Variants in CEP85L observed in about 807,000 individuals in gnomAD.
CEP85L encodes centrosomal protein 85L, also known as centrosomal protein of 85 kDa-like.
In CEP85L, 60 loss-of-function variants were observed where a neutral mutation model predicts 100.3. That is an observed-to-expected ratio of 0.60 (90% CI 0.49 to 0.74). The LOEUF (loss-of-function observed/expected upper bound fraction) is 0.74. Ranked by LOEUF, CEP85L falls within the 30% of genes least tolerant of loss-of-function variation. CEP85L has a pLI of 0.00. For missense variants in CEP85L, 973 were observed against 936.2 expected, an observed-to-expected ratio of 1.04 and a Z score of -0.51; for synonymous variants, 319 against 322.7, an observed-to-expected ratio of 0.99 and a Z score of 0.12.
At chr6:118,602,404 G>A (rs901205911) in intron 2 of CEP85L, among the ~76,000 whole-genome samples, 4 of 152,152 alleles carry the variant, frequency 2.6e-5, no homozygotes, top group African/African-American at 9.7e-5. Context: ...CCATGAACTG[G>A]ACAACTGTTG....
chr6:118,528,026 C>T (rs1034030177), intron 3 of CEP85L, among the ~76,000 whole-genome samples: 1 of 152,078 alleles, frequency 6.6e-6, no homozygotes, highest in African/African-American at 2.4e-5. Flanking sequence ...GTCATCCACA[C>T]CATATTATTT....
At chr6:118,674,463 G>T (rs1237606143) in intron 1 of CEP85L, among the ~76,000 whole-genome samples, 2 of 151,874 alleles carry the variant, frequency 1.3e-5, no homozygotes, top group African/African-American at 2.4e-5. Context: ...GGTGGACATT[G>T]TAGTGAGCCG....
intron 1 of CEP85L, among the ~76,000 whole-genome samples, chr6:118,644,877 T>C (rs1401350896): frequency 1.3e-5 from 2 of 152,196 alleles, no homozygotes; most frequent in Admixed American, 1.3e-4. Flanking sequence ...TACAATTTCT[T>C]CTTCCACAGA....
At chr6:118,561,966 C>A (rs1026482009) in intron 3 of CEP85L, among the ~76,000 whole-genome samples, 1 of 152,156 alleles carries the variant, frequency 6.6e-6, no homozygotes, top group African/African-American at 2.4e-5. Context: ...CAGAAAAGAT[C>A]TGCTCTTCTG....
chr6:118,612,497 A>AT (rs1472299960), intron 2 of CEP85L, among the ~76,000 whole-genome samples: 1 of 136,950 alleles, frequency 7.3e-6, no homozygotes, highest in Admixed American at 8.5e-5. Flanking sequence ...TACTAAAAAT[A>AT]CAAAAAAAAA....
chr6:118,661,476 T>C (rs1775971643), intron 1 of CEP85L, among the ~76,000 whole-genome samples: 1 of 152,108 alleles, frequency 6.6e-6, no homozygotes, highest in Non-Finnish European at 1.5e-5. Flanking sequence ...ATTACATTTT[T>C]ATAAATAATA....
chr6:118,652,145 C>T (rs751318380), upstream of CEP85L, among the ~76,000 whole-genome samples: 2 of 152,144 alleles, frequency 1.3e-5, no homozygotes, highest in Non-Finnish European at 2.9e-5. Context: ...GGGATGTGCA[C>T]CGGAAAAGGC....
intron 2 of CEP85L, among the ~76,000 whole-genome samples, chr6:118,606,293 T>G (rs1772214096): frequency 6.6e-6 from 1 of 152,168 alleles, no homozygotes; most frequent in African/African-American, 2.4e-5. Flanking sequence ...TCAAAGGTGC[T>G]GAGAGAAAGG....
intron 1 of CEP85L, among the ~76,000 whole-genome samples, chr6:118,686,275 A>C (rs1411921649): frequency 6.6e-6 from 1 of 152,096 alleles, no homozygotes; most frequent in Non-Finnish European, 1.5e-5. Flanking sequence ...TGTACAGTTC[A>C]ATGATTTTTG....
In CEP85L at chr6:118,565,752, A is replaced by AG; in HGVS notation, c.796_797insC (p.Met266ThrfsTer8). 1.9e-6 allele frequency: 3 copies of AG among 1,614,202 alleles called. No individual in the cohort carries two copies. Among genetic ancestry groups the AG allele is most frequent in the Non-Finnish European group, 2.5e-6 (3 of 1,180,024 alleles). Reference sequence around the variant, plus strand: ...AGGTTCAAAAGCCTCTGAGCTTGTCATAATGGGCTTGCTTTCAGGTAAGGC... The same window carrying AG: ...AGGTTCAAAAGCCTCTGAGCTTGTCAGTAATGGGCTTGCTTTCAGGTAAGGC... On this transcript the variant is annotated frameshift_variant, in exon 3 of 13. Coordinates refer to ENST00000368491, the MANE Select transcript of CEP85L (RefSeq NM_001042475.3). LOFTEE classifies it high-confidence loss of function.
intron 1 of CEP85L, among the ~76,000 whole-genome samples, chr6:118,641,977 G>C (rs1488364141): frequency 6.6e-6 from 1 of 152,060 alleles, no homozygotes; most frequent in African/African-American, 2.4e-5. Context: ...AAATCAACAT[G>C]ACTCTTGTAT....
At position 118,570,464 on chromosome 6, in the gene CEP85L, C is replaced by G. The variant is rs138763003; in HGVS notation, c.233-4148G>C. 4.3e-3 allele frequency among the ~76,000 whole-genome samples: 661 copies of G among 152,202 alleles called. 8 individuals carry two copies. Among genetic ancestry groups the G allele is most frequent in the African/African-American group, 0.015 (640 of 41,526 alleles). The stretch of plus-strand genomic sequence containing the variant: ...TTACTAACTCAGTACTTTCCAAATG[C>G]AAAGAAAAATCAGCAATGAGTGAAA... On this transcript the variant is annotated intron_variant, in intron 2 of 12. Transcript: ENST00000368491.
upstream of CEP85L, chr6:118,651,786 C>A (rs1007589462): frequency 4.1e-6 from 4 of 985,996 alleles, no homozygotes; most frequent in African/African-American, 7.0e-5. Flanking sequence ...CCTCCCGCCG[C>A]ATCCCTCTGT....
At chr6:118,578,678 G>A (rs913730663) in intron 2 of CEP85L, among the ~76,000 whole-genome samples, 4 of 152,100 alleles carry the variant, frequency 2.6e-5, no homozygotes, top group East Asian at 1.9e-4. Context: ...GCCATGAGCC[G>A]AGACCGCGCC....
intron 1 of CEP85L, among the ~76,000 whole-genome samples, chr6:118,699,181 A>C (rs1777314826): frequency 6.6e-6 from 1 of 152,190 alleles, no homozygotes; most frequent in Non-Finnish European, 1.5e-5. Context: ...GGCCAGGTGC[A>C]GTGGCTCATG....
intron 2 of CEP85L, among the ~76,000 whole-genome samples, chr6:118,613,711 C>T (rs1772813913): frequency 6.9e-6 from 1 of 144,688 alleles, no homozygotes; most frequent in Non-Finnish European, 1.5e-5. Context: ...GACCCGAGAT[C>T]GCACCACTGC....
At chr6:118,501,315 C>G in intron 5 of CEP85L, 1 of 364,916 alleles carries the variant, frequency 2.7e-6, no homozygotes. Context: ...AGGTGGAGGA[C>G]AGGAGCAGGG....
At chr6:118,479,829 CA>C (rs1773648149) in intron 10 of CEP85L, 41 bp downstream of exon 10, 1 of 1,022,050 alleles carries the variant, frequency 9.8e-7, no homozygotes, top group Admixed American at 2.4e-5. Context: ...AAGAGTATAT[CA>C]GAATATAGCT....
intron 2 of CEP85L, among the ~76,000 whole-genome samples, chr6:118,597,023 C>A (rs1268009117): frequency 6.6e-6 from 1 of 150,792 alleles, no homozygotes; most frequent in East Asian, 1.9e-4. Flanking sequence ...CGAGAGAGTT[C>A]TCATGAGATC....
Sources: gnomAD v4.1 joint callset for allele counts (sites outside exome capture counted in the v4.1 genomes callset) on GRCh38, gnomAD v4.1.1 for gene constraint, MANE v1.5 for transcripts, NCBI Gene and HGNC (gene_info 2026-07-23, HGNC 2026-07-21) for gene names.